Variants in OR14A2 observed in about 807,000 individuals in gnomAD.
OR14A2 encodes the protein olfactory receptor 14A2.
For synonymous variants in OR14A2, 114 were observed against 58.6 expected, an observed-to-expected ratio of 1.95 and a Z score of -4.32; for missense variants, 237 against 152.9, an observed-to-expected ratio of 1.55 and a Z score of -2.90.
At chr1:247,734,381 C>T in the OR14A2 span, among the ~76,000 whole-genome samples, 6 of 152,224 alleles carry the variant, frequency 3.9e-5, no homozygotes, top group Non-Finnish European at 5.9e-5. Context: ...CACTCACAGA[C>T]GACGTGTTTA....
upstream of OR14A2, among the ~76,000 whole-genome samples, chr1:247,725,030 C>A (rs1437922042): frequency 6.6e-6 from 1 of 151,490 alleles, no homozygotes; most frequent in Non-Finnish European, 1.5e-5. Context: ...AAATAAACAA[C>A]TTTGTTTTTT....
chr1:247,743,890 G>A, the OR14A2 span, among the ~76,000 whole-genome samples: 2 of 152,016 alleles, frequency 1.3e-5, no homozygotes, highest in Non-Finnish European at 2.9e-5. Flanking sequence ...CTAACCTCAC[G>A]AGAAATATTG....
chr1:247,737,448 G>A, the OR14A2 span, among the ~76,000 whole-genome samples: 7 of 152,150 alleles, frequency 4.6e-5, no homozygotes, highest in South Asian at 1.2e-3. Context: ...AAAAAGCACT[G>A]GCAGTAGCTT....
the OR14A2 span, among the ~76,000 whole-genome samples, chr1:247,735,781 C>T: frequency 5.9e-5 from 9 of 151,940 alleles, no homozygotes; most frequent in Admixed American, 2.0e-4. Flanking sequence ...GAGTTTAACC[C>T]GGGGAGTTGG....
exon 1 of OR14A2, chr1:247,723,496 A>C: frequency 1.4e-6 from 1 of 717,842 alleles, no homozygotes; most frequent in Non-Finnish European, 2.6e-6. Flanking sequence ...GGAAATCCTT[A>C]GTAATGAAGG....
chr1:247,728,934 C>T (rs1265546570), upstream of OR14A2, among the ~76,000 whole-genome samples: 1 of 152,056 alleles, frequency 6.6e-6, no homozygotes. Flanking sequence ...AACTCCGTGT[C>T]AACATAGCAC....
upstream of OR14A2, among the ~76,000 whole-genome samples, chr1:247,725,129 A>G (rs1463863324): frequency 2.6e-5 from 4 of 152,132 alleles, no homozygotes; most frequent in Non-Finnish European, 5.9e-5. Flanking sequence ...AGGCATTAAG[A>G]TAATACAAAG....
chr1:247,738,633 A>G, the OR14A2 span: 3 of 780,020 alleles, frequency 3.8e-6, no homozygotes, highest in Non-Finnish European at 7.2e-6. Context: ...TCAGACACAG[A>G]TGATGGAATT....
At chr1:247,732,191 ATC>A in the OR14A2 span, among the ~76,000 whole-genome samples, 34 of 151,964 alleles carry the variant, frequency 2.2e-4, no homozygotes, top group Non-Finnish European at 4.0e-4. Flanking sequence ...TACTTTAAAG[ATC>A]TCTACACTCA....
the OR14A2 span, among the ~76,000 whole-genome samples, chr1:247,737,045 C>T: frequency 6.6e-6 from 1 of 152,180 alleles, no homozygotes; most frequent in African/African-American, 2.4e-5. Flanking sequence ...GATCCTCTGG[C>T]CTCAGCCTCC....
chr1:247,743,995 TAA>T, the OR14A2 span, among the ~76,000 whole-genome samples: 10 of 152,136 alleles, frequency 6.6e-5, no homozygotes, highest in African/African-American at 2.4e-4. Context: ...GCACCCGGGG[TAA>T]AGTAGGCATC....
chr1:247,732,264 A>G, the OR14A2 span, among the ~76,000 whole-genome samples: 2 of 152,030 alleles, frequency 1.3e-5, no homozygotes, highest in Non-Finnish European at 2.9e-5. Context: ...AATAGGATCT[A>G]TCTCTATCCA....
At chr1:247,739,023 G>C in the OR14A2 span, 1 of 780,682 alleles carries the variant, frequency 1.3e-6, no homozygotes, top group East Asian at 2.4e-5. Context: ...CATGAGCAGA[G>C]GGCTCTGTGT....
the OR14A2 span, among the ~76,000 whole-genome samples, chr1:247,742,229 T>C: frequency 8.4e-3 from 1,286 of 152,322 alleles, 12 homozygotes; most frequent in African/African-American, 0.028. Flanking sequence ...TCCAGTCTGG[T>C]TTTCTTATAC....
At chr1:247,746,357 A>G in the OR14A2 span, 7,067 of 152,308 alleles carry the variant, frequency 0.046, 289 homozygotes, top group East Asian at 0.22. Flanking sequence ...TCTCCCTGGT[A>G]TCCACTGGAC....
chr1:247,747,234 A>G, the OR14A2 span, among the ~76,000 whole-genome samples: 1 of 151,964 alleles, frequency 6.6e-6, no homozygotes, highest in South Asian at 2.1e-4. Flanking sequence ...TACCACTTCC[A>G]CTCCAAGCCT....
upstream of OR14A2, chr1:247,724,079 A>G (rs1660275909): frequency 6.1e-6 from 4 of 654,606 alleles, no homozygotes; most frequent in Middle Eastern, 2.5e-4. Context: ...AGGTGAGAAA[A>G]TATGCAAAAA....
downstream of OR14A2, chr1:247,723,060 A>T (rs1160494469): frequency 1.6e-6 from 1 of 636,986 alleles, no homozygotes; most frequent in East Asian, 2.7e-5. Flanking sequence ...GTTTCTTGTG[A>T]TCTGTAAGGC....
chr1:247,724,640 G>A (rs1400413914), upstream of OR14A2, among the ~76,000 whole-genome samples: 3 of 152,116 alleles, frequency 2.0e-5, no homozygotes, highest in East Asian at 3.8e-4. Context: ...GTATTATCTT[G>A]AGGTCATGCA....
Sources: gnomAD v4.1 joint callset for allele counts (sites outside exome capture counted in the v4.1 genomes callset) on GRCh38, gnomAD v4.1.1 for gene constraint, MANE v1.5 for transcripts, NCBI Gene and HGNC (gene_info 2026-07-23, HGNC 2026-07-21) for gene names.